Variants in LAMA3 observed in about 807,000 individuals in gnomAD.
LAMA3 encodes laminin subunit alpha 3.
Under a neutral mutation model 402.0 loss-of-function variants are expected in LAMA3, and 281 were observed. That is an observed-to-expected ratio of 0.70 (90% CI 0.63 to 0.77). The LOEUF (loss-of-function observed/expected upper bound fraction) is 0.77. LAMA3 is among the 30% of genes least tolerant of loss of function. LAMA3 has a pLI of 0.00. For synonymous variants in LAMA3, 1,431 were observed against 1,558.4 expected, an observed-to-expected ratio of 0.92 and a Z score of 1.93; for missense variants, 3,840 against 4,215.5, an observed-to-expected ratio of 0.91 and a Z score of 2.47.
chr18:23,867,741 G>A, intron 36 of LAMA3, 93 bp from the exon 37 acceptor site: 1 of 960,520 alleles, frequency 1.0e-6, no homozygotes, highest in Non-Finnish European at 1.7e-6. Context: ...TATGTCATAT[G>A]ATGTAGACCA....
At chr18:23,886,600 C>T (rs1476663528) in intron 41 of LAMA3, among the ~76,000 whole-genome samples, 1 of 151,648 alleles carries the variant, frequency 6.6e-6, no homozygotes, top group African/African-American at 2.4e-5. Flanking sequence ...TATGATCGCA[C>T]TACTGCATTC....
At chr18:23,932,313 G>C in intron 66 of LAMA3, 22 bp downstream of exon 66, 1 of 1,612,886 alleles carries the variant, frequency 6.2e-7, no homozygotes, top group Non-Finnish European at 8.5e-7. Flanking sequence ...TCTCTTTGTG[G>C]GTAACTGATG....
At chr18:23,793,535 C>A (rs2062703140) in intron 12 of LAMA3, among the ~76,000 whole-genome samples, 1 of 151,898 alleles carries the variant, frequency 6.6e-6, no homozygotes, top group Non-Finnish European at 1.5e-5. Flanking sequence ...AGACGACCAC[C>A]AAGAGGCCCT....
intron 2 of LAMA3, among the ~76,000 whole-genome samples, chr18:23,743,527 G>A (rs1254787595): frequency 6.6e-6 from 1 of 152,166 alleles, no homozygotes; most frequent in Non-Finnish European, 1.5e-5. Context: ...AATGAATAGA[G>A]GACAGGCTGT....
intron 12 of LAMA3, among the ~76,000 whole-genome samples, chr18:23,801,742 C>A (rs574534388): frequency 6.6e-6 from 1 of 152,184 alleles, no homozygotes; most frequent in Non-Finnish European, 1.5e-5. Flanking sequence ...GCCATTCTAA[C>A]GGAGATGATA....
At chr18:23,921,339 T>G in intron 61 of LAMA3, 113 bp from the exon 62 acceptor site, 1 of 1,144,352 alleles carries the variant, frequency 8.7e-7, no homozygotes, top group Non-Finnish European at 1.2e-6. Flanking sequence ...CTTCCTACTA[T>G]GTATATAAAT....
chr18:23,856,140 A>G (rs1382412941), intron 32 of LAMA3, among the ~76,000 whole-genome samples: 2 of 152,246 alleles, frequency 1.3e-5, no homozygotes, highest in Non-Finnish European at 2.9e-5. Context: ...CCCAAGGTCC[A>G]GTAAGTGGTA....
At chr18:23,841,752 A>G (rs2063706803) in intron 27 of LAMA3, among the ~76,000 whole-genome samples, 1 of 152,078 alleles carries the variant, frequency 6.6e-6, no homozygotes, top group Admixed American at 6.5e-5. Context: ...GGAAGACCCT[A>G]TCTCTACAAA....
chr18:23,952,735 C>T (rs2082959006), intron 73 of LAMA3, among the ~76,000 whole-genome samples: 1 of 152,214 alleles, frequency 6.6e-6, no homozygotes, highest in Non-Finnish European at 1.5e-5. Context: ...CAGTGAGACA[C>T]ATTCTCTTAT....
chr18:23,905,743 T>A (rs1017511513), intron 52 of LAMA3, 119 bp downstream of exon 52: 7 of 564,602 alleles, frequency 1.2e-5, no homozygotes, highest in Admixed American at 2.8e-5. Flanking sequence ...ATGCAGATGA[T>A]ACCCTTTATT....
chr18:23,904,755 T>A, intron 51 of LAMA3, 61 bp downstream of exon 51: 1 of 1,549,952 alleles, frequency 6.5e-7, no homozygotes, highest in East Asian at 2.3e-5. Flanking sequence ...TTTTTATATT[T>A]TCTTTCCGTG....
At chr18:23,703,620 AC>A (rs1224648555) in intron 1 of LAMA3, among the ~76,000 whole-genome samples, 3 of 152,022 alleles carry the variant, frequency 2.0e-5, no homozygotes, top group Admixed American at 2.0e-4. Context: ...GTGCACATGT[AC>A]CCTAGAACTT....
At chr18:23,925,878 A>G (rs2081988445) in intron 62 of LAMA3, among the ~76,000 whole-genome samples, 1 of 152,238 alleles carries the variant, frequency 6.6e-6, no homozygotes, top group Non-Finnish European at 1.5e-5. Flanking sequence ...CAGGAATACC[A>G]ACTGTAAGTG....
intron 21 of LAMA3, 65 bp from the exon 22 acceptor site, chr18:23,826,637 A>G: frequency 8.4e-7 from 1 of 1,190,076 alleles, no homozygotes; most frequent in Non-Finnish European, 1.2e-6. Flanking sequence ...ATGTTTGATT[A>G]TTTTCTATCC....
chr18:23,790,891 C>CT lies in LAMA3; in HGVS notation c.1603+6749dup, dbSNP rs34056350. On this transcript the variant is annotated intron_variant, in intron 12 of 74. Transcript: ENST00000313654. ...GTTTGAGATGCATATCCTATTTTAT[C>CT]TTTTTTTTTTTTTTTAAGACAGAGT... Among the ~76,000 whole-genome samples the CT allele has an allele frequency of 3.0e-3, 437 of 144,962 alleles. 4 individuals carry two copies. Among genetic ancestry groups the CT allele is most frequent in the East Asian group, 0.013 (64 of 5,030 alleles).
At chr18:23,827,244 T>C (rs942688599) in intron 22 of LAMA3, 70 bp from the exon 23 acceptor site, 32 of 1,476,632 alleles carry the variant, frequency 2.2e-5, no homozygotes, top group Non-Finnish European at 3.0e-5. Flanking sequence ...TCTTTGGGGA[T>C]GTACTTTGAT....
At chr18:23,924,872 G>T (rs2081959899) in intron 62 of LAMA3, among the ~76,000 whole-genome samples, 1 of 152,094 alleles carries the variant, frequency 6.6e-6, no homozygotes, top group Admixed American at 6.6e-5. Context: ...AAAATCACTG[G>T]AACATGGAAA....
intron 2 of LAMA3, among the ~76,000 whole-genome samples, chr18:23,723,359 A>G (rs935032950): frequency 1.3e-5 from 2 of 152,214 alleles, no homozygotes; most frequent in African/African-American, 2.4e-5. Context: ...GGACTGACTC[A>G]GTTAGTGGAT....
At chr18:23,739,940 A>G (rs553177173) in intron 2 of LAMA3, among the ~76,000 whole-genome samples, 2 of 152,344 alleles carry the variant, frequency 1.3e-5, no homozygotes, top group African/African-American at 2.4e-5. Context: ...TTGTTTTGGA[A>G]GAACATGACT....
Sources: allele counts gnomAD v4.1 joint callset (sites outside exome capture counted in the v4.1 genomes callset), GRCh38; gene constraint gnomAD v4.1.1; transcripts MANE v1.5; gene names NCBI Gene and HGNC (gene_info 2026-07-23, HGNC 2026-07-21).